RNF31: variants seen among roughly 807,000 people sequenced by gnomAD.
RNF31 encodes ring finger protein 31.
RNF31 carries 38 observed loss-of-function variants against 133.6 expected under a neutral mutation model. That is an observed-to-expected ratio of 0.28 (90% CI 0.22 to 0.37). The LOEUF is 0.37. Among genes scored for constraint, RNF31 ranks in the 10% least tolerant of loss-of-function variants. The pLI, the probability that RNF31 is intolerant of heterozygous loss-of-function variation, is 1.00. For synonymous variants in RNF31, 582 were observed against 552.3 expected, an observed-to-expected ratio of 1.05 and a Z score of -0.75; for missense variants, 1,118 against 1,394.1, an observed-to-expected ratio of 0.80 and a Z score of 3.15.
At chr14:24,152,089 T>C in intron 11 of RNF31, 97 bp downstream of exon 11, 1 of 1,289,694 alleles carries the variant, frequency 7.8e-7, no homozygotes, top group Admixed American at 2.2e-5. Flanking sequence ...TCTTCTGCTC[T>C]TCAGTTGCCC....
At chr14:24,153,781 G>A (rs2038302601) in intron 11 of RNF31, among the ~76,000 whole-genome samples, 1 of 151,614 alleles carries the variant, frequency 6.6e-6, no homozygotes, top group South Asian at 2.1e-4. Context: ...GTGGGTGCCT[G>A]TAATCCCAGC....
chr14:24,157,756 C>A, intron 16 of RNF31, 118 bp downstream of exon 16: 1 of 1,099,340 alleles, frequency 9.1e-7, no homozygotes, highest in Non-Finnish European at 1.4e-6. Context: ...ATGTAAAGCA[C>A]AACTCTCTGT....
Position 24,151,119 on chromosome 14 carries a change from A to G in RNF31, c.1489-12A>G. Reference sequence around the variant, plus strand: ...AAGGGTGCCCCTCCTGATGGGCGGGACTGTGCCTTAGGAAGGGGAAGCCGC... The same window carrying G: ...AAGGGTGCCCCTCCTGATGGGCGGGGCTGTGCCTTAGGAAGGGGAAGCCGC... On this transcript the variant is annotated splice_polypyrimidine_tract_variant and intron_variant, in intron 8 of 20. Coordinates refer to ENST00000324103, the MANE Select transcript of RNF31 (RefSeq NM_017999.5). This position sits in a 1 kb window ranked among gnomAD's most constrained non-coding sequence, Gnocchi z 5.3. 6.2e-7 allele frequency: 1 copy of G among 1,612,926 alleles called. No homozygotes were observed. The highest frequency in any genetic ancestry group is 8.5e-7 in the Non-Finnish European group (1 of 1,179,388).
At chr14:24,154,118 C>G (rs948927538) in intron 11 of RNF31, among the ~76,000 whole-genome samples, 1 of 152,110 alleles carries the variant, frequency 6.6e-6, no homozygotes, top group Non-Finnish European at 1.5e-5. Context: ...TCCCAGCCTC[C>G]CAAGTAGCTG....
In RNF31 at chr14:24,155,471, G is replaced by C. The variant is rs1217700913; in HGVS notation, c.2362G>C (p.Gly788Arg). Residue 788 changes from glycine (G) to arginine (R), a missense_variant, in exon 13 of 21, where the codon GGT becomes CGT. This residue lies in a region of RNF31 where 201 missense variants were observed against 371.7 expected (regional missense o/e 0.54). Coordinates refer to ENST00000324103, the MANE Select transcript of RNF31 (RefSeq NM_017999.5). This position sits in a 1 kb window ranked among gnomAD's most constrained non-coding sequence, Gnocchi z 4.9. ...GTTGTTCCATAAGAAGCTGACCGAG[G>C]GTGTGCTGATGCGGGACCCCAAGTT... Reference protein sequence around the residue: ...YALFHKKLTEGVLMRDPKFLW... With the variant: ...YALFHKKLTERVLMRDPKFLW... 1 of 1,614,218 alleles carries C rather than the reference G, an allele frequency of 6.2e-7. No individual in the cohort carries two copies. Among genetic ancestry groups the C allele is most frequent in the Admixed American group, 1.7e-5 (1 of 60,026 alleles).
chr14:24,159,584 C>CAAAA (rs59295225), intron 18 of RNF31, among the ~76,000 whole-genome samples: 75 of 82,124 alleles, frequency 9.1e-4, no homozygotes, highest in Admixed American at 1.1e-3. Flanking sequence ...AAATAACAAC[C>CAAAA]AAAAAAAAAA....
In RNF31 at chr14:24,148,626, A is replaced by C. The variant is rs758038666; in HGVS notation, c.496-16A>C. 8 of 1,613,872 alleles carry C rather than the reference A, an allele frequency of 5.0e-6. No homozygotes were observed. In the Admixed American group the frequency reaches 1.2e-4, roughly 24 times the overall value. ...AGGGGTCTAGCTGGAAACCGTTTTT[A>C]TCTGTATTATTGCAGAATACTCATC... On this transcript the variant is annotated splice_polypyrimidine_tract_variant and intron_variant, in intron 3 of 20. Coordinates refer to ENST00000324103, the MANE Select transcript of RNF31 (RefSeq NM_017999.5).
intron 14 of RNF31, 32 bp from the exon 15 acceptor site, chr14:24,157,258 C>A: frequency 6.6e-7 from 1 of 1,516,506 alleles, no homozygotes; most frequent in Non-Finnish European, 9.0e-7. Context: ...TGGGATAGAG[C>A]TCCCATGTGA....
At position 24,151,376 on chromosome 14, in the gene RNF31, G is replaced by A; in HGVS notation, c.1734G>A (p.Arg578=). 6.2e-7 allele frequency: 1 copy of A among 1,614,202 alleles called. No individual in the cohort carries two copies. Among genetic ancestry groups the A allele is most frequent in the Non-Finnish European group, 8.5e-7 (1 of 1,180,026 alleles). The change falls in exon 9 of 21, where the codon AGG becomes AGA. Residue 578 remains arginine, a synonymous_variant. Transcript: ENST00000324103. The surrounding 1 kb of genome is among the most constrained non-coding windows in gnomAD (Gnocchi z 5.3). ...AGGAGTGTGTGAGGACCAGGCGAAG[G>A]AAGGTATCAGCTGTGCTGGATATGG... is the stretch of plus-strand genomic sequence containing the variant. The part of the protein sequence containing the change: ...AVEECVRTRR[R]KVQELQSLGF...
At chr14:24,157,129 A>T (rs1046565689) in intron 14 of RNF31, among the ~76,000 whole-genome samples, 161 bp from the exon 15 acceptor site, 1 of 152,340 alleles carries the variant, frequency 6.6e-6, no homozygotes, top group South Asian at 2.1e-4. Flanking sequence ...GGAGAAAATG[A>T]AAGGACCAAG....
At chr14:24,157,676 G>A (rs372697505) in intron 16 of RNF31, 38 bp downstream of exon 16, 9 of 1,572,160 alleles carry the variant, frequency 5.7e-6, no homozygotes, top group Non-Finnish European at 7.0e-6. Context: ...GGAAGGGTGG[G>A]GGGTGCCATT....
In RNF31 at chr14:24,151,566, C is replaced by A; in HGVS notation, c.1819C>A (p.Arg607=). Residue 607 remains arginine (R), a synonymous_variant, in exon 10 of 21, where the codon CGG becomes AGG. Transcript: ENST00000324103. This position sits in a 1 kb window ranked among gnomAD's most constrained non-coding sequence, Gnocchi z 5.3. ...ALFQHGGDVS[R]ALTELQRQRL... ...GTTCCAGCACGGAGGTGATGTGTCA[C>A]GGGCCCTGACTGAGCTACAGCGCCA... The A allele has an allele frequency of 6.2e-7, 1 of 1,614,172 alleles. No homozygotes were observed. Among genetic ancestry groups the A allele is most frequent in the Non-Finnish European group, 8.5e-7 (1 of 1,180,026 alleles).
rs760026290 is a variant in RNF31, at chr14:24,148,305, A to G, written c.387A>G (p.Pro129=). 8.7e-6 allele frequency: 14 copies of G among 1,614,128 alleles called. No individual in the cohort carries two copies. Among genetic ancestry groups the G allele is most frequent in the African/African-American group, 1.3e-5 (1 of 74,948 alleles). Residue 129 remains proline, a synonymous_variant, in exon 3 of 21, where the codon CCA becomes CCG. Coordinates refer to ENST00000324103, the MANE Select transcript of RNF31 (RefSeq NM_017999.5). ...LRLYGYTEEQ[P]DGLSFPEGQE... ...TATATGGCTACACAGAGGAGCAACC[A>G]GATGGGTTGAGCTTCCCCGAAGGGC...
chr14:24,155,046 C>T lies in RNF31; in HGVS notation c.2131-111C>T, dbSNP rs955998840. On this transcript the variant is annotated intron_variant, in intron 11 of 20. Transcript: ENST00000324103. This position sits in a 1 kb window ranked among gnomAD's most constrained non-coding sequence, Gnocchi z 4.9. Reference sequence around the variant, plus strand: ...CTGGCACTTGAGGTTGTTAACCCTGCCCAGTTGTTAATTAGACCCTGATTT... The same window carrying T: ...CTGGCACTTGAGGTTGTTAACCCTGTCCAGTTGTTAATTAGACCCTGATTT... 1.0e-4 allele frequency: 110 copies of T among 1,049,338 alleles called. No individual in the cohort carries two copies. The highest frequency in any genetic ancestry group is 1.4e-4 in the Non-Finnish European group (99 of 716,514). The allele number at this position is 1,049,338 out of a possible 1,614,324, so 65.0% of individuals were successfully genotyped here. A position where few individuals can be genotyped will look rare whatever the true frequency, so the allele number is the denominator to read the frequency against.
rs776109387 is a variant in RNF31 at position 24,155,915 on chromosome 14, AAAGT to A, written c.2493+227_2493+230del. 2.1e-4 allele frequency among the ~76,000 whole-genome samples: 32 copies of A among 152,326 alleles called. No individual in the cohort carries two copies. In the East Asian group the frequency reaches 4.4e-3, roughly 21 times the overall value. ...GGGAGGAGGAAGGAAGGAAGGAAAG[AAAGT>A]AAGCCAGAGGAACTAATTATACATA... On this transcript the variant is annotated intron_variant, in intron 14 of 20. Coordinates refer to ENST00000324103, the MANE Select transcript of RNF31 (RefSeq NM_017999.5). The surrounding 1 kb of genome is among the most constrained non-coding windows in gnomAD (Gnocchi z 4.9).
intron 14 of RNF31, among the ~76,000 whole-genome samples, chr14:24,156,335 C>G (rs77227946): frequency 0.029 from 4,455 of 152,254 alleles, 216 homozygotes; most frequent in African/African-American, 0.1. Context: ...TTAGAGACAA[C>G]TCACTGTCAC....
chr14:24,148,549 T>G, intron 3 of RNF31, 93 bp from the exon 4 acceptor site: 1 of 1,584,732 alleles, frequency 6.3e-7, no homozygotes, highest in Non-Finnish European at 8.7e-7. Context: ...GGGTACTGAT[T>G]TTCCTTCTGT....
chr14:24,147,716 G>A lies in RNF31; in HGVS notation c.18G>A (p.Glu6=). 1.3e-6 allele frequency: 2 copies of A among 1,534,240 alleles called. No homozygotes were observed. The highest frequency in any genetic ancestry group is 1.7e-6 in the Non-Finnish European group (2 of 1,146,114). Residue 6 remains glutamate (E), a synonymous_variant, in exon 1 of 21, where the codon GAG becomes GAA. Transcript: ENST00000324103. The part of the protein sequence containing the change: MPGEE[E]ERAFLVAREE... ...GCCTCAGGATGCCGGGGGAGGAAGA[G>A]GAGCGGGCCTTCCTGGTGGCCCGCG... is the stretch of plus-strand genomic sequence containing the variant.
rs1431987037 is a variant in RNF31, at chr14:24,160,522, G to A, written c.3168G>A (p.Lys1056=). 6.4e-7 allele frequency: 1 copy of A among 1,553,446 alleles called. No individual in the cohort carries two copies. The highest frequency in any genetic ancestry group is 8.7e-7 in the Non-Finnish European group (1 of 1,146,182). ...TTACCTTCTCTCTCCTTCTGCAGAA[G>A]CTGACAGAAGAGGTACCCTTGGGAC... ...PPAYQARLLQ[K]LTEEVPLGQS... Residue 1056 remains lysine, a splice_region_variant and synonymous_variant, in exon 21 of 21, where the codon AAG becomes AAA. Coordinates refer to ENST00000324103, the MANE Select transcript of RNF31 (RefSeq NM_017999.5). This position sits in a 1 kb window ranked among gnomAD's most constrained non-coding sequence, Gnocchi z 4.0.
Sources: allele counts gnomAD v4.1 joint callset (sites outside exome capture counted in the v4.1 genomes callset), GRCh38; gene constraint gnomAD v4.1.1; regional missense constraint gnomAD v4.1.1; non-coding constraint Gnocchi (gnomAD v3.1); transcripts MANE v1.5; gene names NCBI Gene and HGNC (gene_info 2026-07-23, HGNC 2026-07-21).